The following TECR variants were observed in gnomAD, a reference collection of about 807,000 sequenced individuals.
The protein encoded by TECR is very-long-chain enoyl-CoA reductase.
TECR carries 19 observed loss-of-function variants against 50.6 expected under a neutral mutation model. The ratio of observed to expected loss-of-function variants is 0.38; its 90% CI spans 0.26 to 0.55. The LOEUF is 0.55. TECR is among the 20% of genes least tolerant of loss of function. The pLI is 0.79. For missense variants in TECR, 313 were observed against 408.3 expected, an observed-to-expected ratio of 0.77 and a Z score of 2.01; for synonymous variants, 168 against 163.5, an observed-to-expected ratio of 1.03 and a Z score of -0.21.
intron 1 of TECR, among the ~76,000 whole-genome samples, chr19:14,553,926 C>T (rs371721002): frequency 2.6e-5 from 4 of 152,238 alleles, no homozygotes; most frequent in South Asian, 2.1e-4. Context: ...GACCAGGGCT[C>T]GCACCCCCAG....
chr19:14,529,842 C>A, intron 1 of TECR, 131 bp downstream of exon 1: 3 of 1,290,774 alleles, frequency 2.3e-6, no homozygotes, highest in Non-Finnish European at 3.3e-6. Context: ...GCGCAGTGGG[C>A]AAGCGTTGCG....
Position 14,563,811 on chromosome 19 carries a change from C to G in TECR, c.175C>G (p.Leu59Val). The G allele has an allele frequency of 6.2e-7, 1 of 1,613,902 alleles. No homozygotes were observed. The highest frequency in any genetic ancestry group is 8.5e-7 in the Non-Finnish European group (1 of 1,179,944). ...CCGCCTCTCTGCAGAGGGCAAGTCC[C>G]TGAAGGATGAGGATGTTCTGCAGAA... ...SLRLDPKGKS[L>V]KDEDVLQKLP... Residue 59 changes from leucine (L) to valine (V), a missense_variant, in exon 5 of 13, where the codon CTG becomes GTG. Physicochemically the swap from Leu to Val is conservative, Grantham distance 32 (BLOSUM62 1). Coordinates refer to ENST00000215567, the MANE Select transcript of TECR (RefSeq NM_138501.6). This position sits in a 1 kb window ranked among gnomAD's most constrained non-coding sequence, Gnocchi z 5.3.
chr19:14,527,795 A>G (rs1239216781), upstream of TECR: 1 of 152,276 alleles, frequency 6.6e-6, no homozygotes, highest in East Asian at 1.9e-4. Flanking sequence ...AGCTCATGAA[A>G]GCTCAGGGGC....
chr19:14,534,370 C>T (rs1172554618), intron 1 of TECR, among the ~76,000 whole-genome samples: 10 of 150,078 alleles, frequency 6.7e-5, no homozygotes, highest in African/African-American at 9.8e-5. Context: ...ATGATCCGCC[C>T]GCCTCGGCCT....
At chr19:14,540,713 GA>G (rs148483492) in intron 1 of TECR, among the ~76,000 whole-genome samples, 33,072 of 152,024 alleles carry the variant, frequency 0.22, 3,861 homozygotes, top group South Asian at 0.41. Context: ...ATTTTTAGTA[GA>G]GGCAAGGTTT....
intron 1 of TECR, among the ~76,000 whole-genome samples, chr19:14,551,022 A>G (rs2073483384): frequency 6.6e-6 from 1 of 151,916 alleles, no homozygotes. Context: ...TCCACCTTAA[A>G]TTCAGGATAA....
rs761366209 is a variant in TECR at position 14,563,854 on chromosome 19, C to T, written c.218C>T (p.Thr73Met). 9.3e-6 allele frequency: 15 copies of T among 1,613,882 alleles called. No individual in the cohort carries two copies. The highest frequency in any genetic ancestry group is 8.3e-5 in the Admixed American group (5 of 60,000). The change falls in exon 5 of 13, where the codon ACG becomes ATG. Residue 73 changes from threonine (T) to methionine (M), a missense_variant. Transcript: ENST00000215567. This position sits in a 1 kb window ranked among gnomAD's most constrained non-coding sequence, Gnocchi z 5.3. ...CTGCAGAAGCTGCCCGTGGGCACCA[C>T]GGCCACACTGTACTTCCGGGACCTG... is the stretch of plus-strand genomic sequence containing the variant. ...DVLQKLPVGT[T>M]ATLYFRDLGA...
intron 1 of TECR, among the ~76,000 whole-genome samples, chr19:14,535,129 T>C (rs956424339): frequency 2.6e-4 from 40 of 152,106 alleles, no homozygotes; most frequent in African/African-American, 9.2e-4. Context: ...TCCCAGCACG[T>C]TGGGAGGCTG....
chr19:14,555,005 T>A (rs2073668625), intron 1 of TECR, among the ~76,000 whole-genome samples: 1 of 151,812 alleles, frequency 6.6e-6, no homozygotes, highest in African/African-American at 2.4e-5. Flanking sequence ...TCTTGATCTC[T>A]TGACCTTGTG....
chr19:14,536,095 GC>G (rs764217707), intron 1 of TECR, among the ~76,000 whole-genome samples: 2 of 152,064 alleles, frequency 1.3e-5, no homozygotes, highest in Non-Finnish European at 2.9e-5. Flanking sequence ...AGAGAACAAG[GC>G]CTTTTCCAGG....
intron 1 of TECR, among the ~76,000 whole-genome samples, chr19:14,539,312 T>C (rs970983110): frequency 6.6e-6 from 1 of 152,032 alleles, no homozygotes; most frequent in African/African-American, 2.4e-5. Flanking sequence ...CATTTTGAGA[T>C]GATCAGCTCT....
chr19:14,550,019 T>C (rs1302437638), intron 1 of TECR, among the ~76,000 whole-genome samples: 1 of 152,066 alleles, frequency 6.6e-6, no homozygotes, highest in Non-Finnish European at 1.5e-5. Context: ...CCTTTCTTTC[T>C]TCTTTCCATG....
At chr19:14,560,702 T>G (rs964972687) in intron 1 of TECR, among the ~76,000 whole-genome samples, 7 of 152,324 alleles carry the variant, frequency 4.6e-5, no homozygotes, top group Admixed American at 4.6e-4. Context: ...GGAGGCCCCG[T>G]GGGCCAGGAT....
intron 1 of TECR, among the ~76,000 whole-genome samples, chr19:14,546,269 G>A (rs1158605544): frequency 7.3e-6 from 1 of 137,596 alleles, no homozygotes; most frequent in Non-Finnish European, 1.7e-5. Flanking sequence ...TCTAGATTTG[G>A]GATTTTTTTT....
At chr19:14,529,337 G>A (rs1232948479), upstream of TECR, 2 of 452,034 alleles carry the variant, frequency 4.4e-6, no homozygotes, top group East Asian at 4.1e-5. Context: ...ACGCCATCAG[G>A]GGGCGTGGCA....
chr19:14,563,053 C>G lies in TECR; in HGVS notation c.67-153C>G. On this transcript the variant is annotated intron_variant, in intron 2 of 12. Transcript: ENST00000215567. This position sits in a 1 kb window ranked among gnomAD's most constrained non-coding sequence, Gnocchi z 5.3. ...TGCACTGGCAGGGCCCTCGGTGGTC[C>G]TTCCCTGACTGCAGGCAGAGGCCTG... 3 of 938,968 alleles carry G rather than the reference C, an allele frequency of 3.2e-6. No individual in the cohort carries two copies. Among genetic ancestry groups the G allele is most frequent in the Admixed American group, 4.5e-5 (2 of 44,272 alleles). The allele number at this position is 938,968 out of a possible 1,614,324, so 58.2% of individuals were successfully genotyped here. A position where few individuals can be genotyped will look rare whatever the true frequency, so the allele number is the denominator to read the frequency against.
rs1266273826 is a variant in TECR, at chr19:14,535,586, ATATG to A, written c.15+5883_15+5886del. 2.6e-3 allele frequency among the ~76,000 whole-genome samples: 106 copies of A among 41,036 alleles called. 1 individual carries two copies. Among genetic ancestry groups the A allele is most frequent in the African/African-American group, 6.2e-3 (87 of 14,048 alleles). The allele number at this position is 41,036 out of a possible 152,430, so 26.9% of individuals were successfully genotyped here. A position where few individuals can be genotyped will look rare whatever the true frequency, so the allele number is the denominator to read the frequency against. ...TATATATATATATATATATATATAT[ATATG>A]TATGTATATATAAATTAGCCAGGCA... On this transcript the variant is annotated intron_variant, in intron 1 of 12. Transcript: ENST00000215567.
chr19:14,529,982 C>T, intron 1 of TECR: 1 of 556,218 alleles, frequency 1.8e-6, no homozygotes, highest in Non-Finnish European at 3.2e-6. Context: ...AGGTTCCTTG[C>T]AGCTCCCCCA....
chr19:14,551,671 G>A (rs574936082), intron 1 of TECR, among the ~76,000 whole-genome samples: 1 of 152,202 alleles, frequency 6.6e-6, no homozygotes, highest in Admixed American at 6.5e-5. Flanking sequence ...TGTGGTATGA[G>A]TTGCTGATAG....
Sources: gnomAD v4.1 joint callset for allele counts (sites outside exome capture counted in the v4.1 genomes callset) on GRCh38, gnomAD v4.1.1 for gene constraint, Gnocchi (gnomAD v3.1) non-coding constraint, MANE v1.5 for transcripts, NCBI Gene and HGNC (gene_info 2026-07-23, HGNC 2026-07-21) for gene names.